TGS1: variants seen among roughly 807,000 people sequenced by gnomAD.
TGS1 encodes trimethylguanosine synthase.
TGS1 carries 69 observed loss-of-function variants against 92.2 expected under a neutral mutation model. The ratio of observed to expected loss-of-function variants is 0.75; its 90% CI spans 0.62 to 0.91. The LOEUF (loss-of-function observed/expected upper bound fraction) is 0.91. Among genes scored for constraint, TGS1 ranks in the 40% least tolerant of loss-of-function variants. TGS1 has a pLI of 0.00. For synonymous variants in TGS1, 345 were observed against 338.1 expected (o/e 1.02, Z -0.22); for missense variants, 1,062 against 1,001.2 (o/e 1.06, Z -0.82).
intron 8 of TGS1, among the ~76,000 whole-genome samples, chr8:55,801,791 G>A (rs576625841): frequency 6.6e-6 from 1 of 151,570 alleles, no homozygotes; most frequent in Admixed American, 6.6e-5. Flanking sequence ...ATTTCACCAT[G>A]TTGGTCAGGC....
chr8:55,810,741 C>A, intron 10 of TGS1, 140 bp from the exon 11 acceptor site: 1 of 656,626 alleles, frequency 1.5e-6, no homozygotes, highest in Non-Finnish European at 2.6e-6. Flanking sequence ...GTCTGTATCT[C>A]GGGTATATGT....
chr8:55,776,052 T>C (rs1345309505), intron 1 of TGS1, among the ~76,000 whole-genome samples: 1 of 151,942 alleles, frequency 6.6e-6, no homozygotes, highest in Non-Finnish European at 1.5e-5. Flanking sequence ...AGACACCAGG[T>C]TAAAGAAGGA....
chr8:55,801,582 C>T (rs371100077), intron 8 of TGS1, among the ~76,000 whole-genome samples: 37 of 48,194 alleles, frequency 7.7e-4, no homozygotes, highest in East Asian at 1.4e-3. Flanking sequence ...CCCCATCGTT[C>T]TTTTTTTTTT....
chr8:55,809,879 TATC>T (rs143355063), intron 10 of TGS1, among the ~76,000 whole-genome samples: 7,943 of 152,308 alleles, frequency 0.052, 227 homozygotes, highest in East Asian at 0.081. Context: ...GAATTTTTAG[TATC>T]ATCAGCATAT....
intron 5 of TGS1, among the ~76,000 whole-genome samples, chr8:55,791,728 C>A (rs911534405): frequency 2.6e-5 from 4 of 152,202 alleles, no homozygotes; most frequent in African/African-American, 9.7e-5. Context: ...ATGTCCCAAA[C>A]TGCAGTTCTG....
At chr8:55,823,623 T>A (rs957701551) in intron 12 of TGS1, among the ~76,000 whole-genome samples, 1 of 152,018 alleles carries the variant, frequency 6.6e-6, no homozygotes, top group Non-Finnish European at 1.5e-5. Context: ...AGAGTAGGGA[T>A]CCTGGCCTGG....
rs1287779396 is a variant in TGS1 at position 55,785,146 on chromosome 8, CCT to C, written c.167-570_167-569del. Among the ~76,000 whole-genome samples the C allele has an allele frequency of 5.3e-5, 8 of 151,614 alleles. No individual in the cohort carries two copies. In the East Asian group the frequency reaches 1.5e-3, roughly 29 times the overall value. ...GTGGCACAATCTTGGCTCACTGCAA[CCT>C]CTGTCTCCCAGGTTCAAACAATTAT... On this transcript the variant is annotated intron_variant, in intron 2 of 12. Coordinates refer to ENST00000260129, the MANE Select transcript of TGS1 (RefSeq NM_024831.8).
At chr8:55,806,962 C>G (rs546061043) in intron 10 of TGS1, among the ~76,000 whole-genome samples, 2 of 149,624 alleles carry the variant, frequency 1.3e-5, no homozygotes, top group East Asian at 1.9e-4. Flanking sequence ...GGGTCTCACT[C>G]TGTCGCCCAG....
intron 2 of TGS1, among the ~76,000 whole-genome samples, chr8:55,784,072 T>C (rs992054657): frequency 6.6e-6 from 1 of 152,204 alleles, no homozygotes; most frequent in African/African-American, 2.4e-5. Context: ...TTTATCAGTC[T>C]TCATTTTGGC....
At chr8:55,805,867 G>A (rs1239590690) in intron 10 of TGS1, among the ~76,000 whole-genome samples, 1 of 139,460 alleles carries the variant, frequency 7.2e-6, no homozygotes, top group Admixed American at 7.5e-5. Context: ...GGGCAACAGA[G>A]TGAGACTCCA....
In TGS1 at chr8:55,825,315, G is replaced by T. The variant is rs528140452; in HGVS notation, c.*612G>T. 6.6e-6 allele frequency: 1 copy of T among 152,202 alleles called. No individual in the cohort carries two copies. Among genetic ancestry groups the T allele is most frequent in the East Asian group, 1.9e-4 (1 of 5,184 alleles). 9.4% of individuals were successfully genotyped at this position (152,202 alleles called of 1,614,324 possible). On this transcript the variant is annotated 3_prime_UTR_variant, in exon 13 of 13. Coordinates refer to ENST00000260129, the MANE Select transcript of TGS1 (RefSeq NM_024831.8). ...AGAACTTTCCTGTTTTCATGTCTTTGCTTCATCTGGAATTGGCTTAACACC... is the reference window on the plus strand; with the variant it reads ...AGAACTTTCCTGTTTTCATGTCTTTTCTTCATCTGGAATTGGCTTAACACC...
intron 6 of TGS1, 106 bp from the exon 7 acceptor site, chr8:55,795,872 A>C (rs1365427486): frequency 1.2e-6 from 1 of 830,896 alleles, no homozygotes; most frequent in Non-Finnish European, 1.9e-6. Context: ...AAAGGGAATT[A>C]AAATGGTGTA....
intron 6 of TGS1, among the ~76,000 whole-genome samples, chr8:55,794,247 G>A (rs552073301): frequency 5.3e-5 from 8 of 152,092 alleles, no homozygotes; most frequent in Admixed American, 3.3e-4. Flanking sequence ...ATGGAGATGG[G>A]GTCTTGCTAT....
chr8:55,802,589 G>A lies in TGS1; in HGVS notation c.1982G>A (p.Gly661Glu). 1 of 1,611,918 alleles carries A rather than the reference G, an allele frequency of 6.2e-7. No homozygotes were observed. Among genetic ancestry groups the A allele is most frequent in the Non-Finnish European group, 8.5e-7 (1 of 1,179,376 alleles). Residue 661 changes from glycine to glutamate, a missense_variant, in exon 9 of 13, where the codon GGG becomes GAG. Physicochemically the swap from Gly to Glu is moderately conservative, Grantham distance 98. Coordinates refer to ENST00000260129, the MANE Select transcript of TGS1 (RefSeq NM_024831.8). Reference protein sequence around the residue: ...RYRLFSRFDDGIKLDREGWFS... With the variant: ...RYRLFSRFDDEIKLDREGWFS... ...AGGCTCTTCTCCCGTTTTGATGATG[G>A]GATTAAGTTGGACAGAGGTAAAGTA...
At chr8:55,799,619 C>T (rs1812164507) in intron 8 of TGS1, among the ~76,000 whole-genome samples, 1 of 152,102 alleles carries the variant, frequency 6.6e-6, no homozygotes, top group Non-Finnish European at 1.5e-5. Flanking sequence ...ATTCTGTTGC[C>T]CAGGCTGGAG....
At position 55,786,384 on chromosome 8, in the gene TGS1, G is replaced by C; in HGVS notation, c.486G>C (p.Gln162His). ...CAGATGATCCATCTTCAATTGAACAGTATGAGAACACCAGAACATATGAAC... is the reference window on the plus strand; with the variant it reads ...CAGATGATCCATCTTCAATTGAACACTATGAGAACACCAGAACATATGAAC... ...LASDDPSSIE[Q>H]YENTRTYELQ... Residue 162 changes from glutamine (Q) to histidine (H), a missense_variant, in exon 4 of 13, where the codon CAG becomes CAC. Coordinates refer to ENST00000260129, the MANE Select transcript of TGS1 (RefSeq NM_024831.8). The C allele has an allele frequency of 6.2e-7, 1 of 1,613,828 alleles. No individual in the cohort carries two copies. The highest frequency in any genetic ancestry group is 8.5e-7 in the Non-Finnish European group (1 of 1,179,962).
intron 7 of TGS1, among the ~76,000 whole-genome samples, chr8:55,797,165 G>C (rs1041972432): frequency 1.3e-5 from 2 of 152,116 alleles, no homozygotes; most frequent in Non-Finnish European, 2.9e-5. Flanking sequence ...CTGCAGGGCT[G>C]GGGAGGCCTC....
chr8:55,789,618 T>A (rs1156457875), intron 4 of TGS1, among the ~76,000 whole-genome samples: 1 of 152,118 alleles, frequency 6.6e-6, no homozygotes, highest in African/African-American at 2.4e-5. Flanking sequence ...TTTAATAGAG[T>A]TTAACTGAGC....
At chr8:55,780,981 T>C (rs1477783712) in intron 1 of TGS1, among the ~76,000 whole-genome samples, 1 of 152,186 alleles carries the variant, frequency 6.6e-6, no homozygotes, top group Admixed American at 6.5e-5. Flanking sequence ...AGGTTTATCT[T>C]TTACAGTTCA....
Sources: gnomAD v4.1 joint callset for allele counts (sites outside exome capture counted in the v4.1 genomes callset) on GRCh38, gnomAD v4.1.1 for gene constraint, MANE v1.5 for transcripts, NCBI Gene and HGNC (gene_info 2026-07-23, HGNC 2026-07-21) for gene names.